Variants in ASPG observed in about 807,000 individuals in gnomAD.
ASPG encodes asparaginase.
In ASPG, 53 loss-of-function variants were observed where a neutral mutation model predicts 63.2. The ratio of observed to expected loss-of-function variants is 0.84; its 90% CI spans 0.67 to 1.05. The LOEUF is 1.05. ASPG is among the 50% of genes least tolerant of loss of function. The probability of loss-of-function intolerance (pLI) is 0.00; values close to 1 mark genes in which losing one functional copy is unlikely to be tolerated. For synonymous variants in ASPG, 370 were observed against 355.0 expected, an observed-to-expected ratio of 1.04 and a Z score of -0.48; for missense variants, 741 against 794.4, an observed-to-expected ratio of 0.93 and a Z score of 0.81.
In ASPG at chr14:104,109,225, A is replaced by G. The variant is rs1379689517; in HGVS notation, c.1434-4A>G. 2 of 1,612,832 alleles carry G rather than the reference A, an allele frequency of 1.2e-6. No individual in the cohort carries two copies. Among genetic ancestry groups the G allele is most frequent in the Admixed American group, 3.3e-5 (2 of 59,940 alleles). ...AGAAGGTCAGCATGCTCATTCTCAC[A>G]CAGGCATCCGGGTGTCATTGGGTTG... On this transcript the variant is annotated splice_region_variant and splice_polypyrimidine_tract_variant and intron_variant, in intron 12 of 15. Coordinates refer to ENST00000551177, the MANE Select transcript of ASPG (RefSeq NM_001080464.3). This position sits in a 1 kb window ranked among gnomAD's most constrained non-coding sequence, Gnocchi z 4.8.
Position 104,112,759 on chromosome 14 carries a change from G to A in ASPG, c.*215G>A. On this transcript the variant is annotated 3_prime_UTR_variant, in exon 16 of 16. Transcript: ENST00000551177. ...AGAGGCTCTGTCTGGGTCCGGGACT[G>A]TGGATGTGTGTGGGGAGTCAGGCCC... is the stretch of plus-strand genomic sequence containing the variant. 1 of 1,089,362 alleles carries A rather than the reference G, an allele frequency of 9.2e-7. No homozygotes were observed. The highest frequency in any genetic ancestry group is 1.3e-6 in the Non-Finnish European group (1 of 774,822). 67.5% of individuals were successfully genotyped at this position (1,089,362 alleles called of 1,614,324 possible).
chr14:104,097,485 A>C, intron 4 of ASPG, 69 bp from the exon 5 acceptor site: 1 of 1,453,802 alleles, frequency 6.9e-7, no homozygotes, highest in African/African-American at 1.4e-5. Flanking sequence ...GTTTACCTGG[A>C]GAGATGAGCC....
chr14:104,109,334 C>A lies in ASPG; in HGVS notation c.1520+19C>A, dbSNP rs766066056. ...TGTGCAGGTGAGTGCAGCTAGAGCA[C>A]CTGCTCTTCCAGGGATGTGGGGGAC... is the stretch of plus-strand genomic sequence containing the variant. On this transcript the variant is annotated intron_variant, in intron 13 of 15. Transcript: ENST00000551177. The surrounding 1 kb of genome is among the most constrained non-coding windows in gnomAD (Gnocchi z 4.8). 1.9e-6 allele frequency: 3 copies of A among 1,591,148 alleles called. No individual in the cohort carries two copies. The highest frequency in any genetic ancestry group is 1.7e-6 in the Non-Finnish European group (2 of 1,167,806).
intron 9 of ASPG, 135 bp downstream of exon 9, chr14:104,104,870 G>C: frequency 2.7e-6 from 2 of 745,738 alleles, no homozygotes; most frequent in Non-Finnish European, 4.3e-6. Flanking sequence ...GAAGGGGAGG[G>C]ATGTGGCTCC....
intron 6 of ASPG, among the ~76,000 whole-genome samples, chr14:104,103,308 C>T (rs577425366): frequency 1.8e-4 from 27 of 152,374 alleles, no homozygotes; most frequent in African/African-American, 6.0e-4. Context: ...GCTCGGCCAT[C>T]GGTCTCTCGC....
At position 104,085,754 on chromosome 14, in the gene ASPG, G is replaced by A. The variant is rs755941774; in HGVS notation, c.-17G>A. The A allele has an allele frequency of 1.1e-5, 17 of 1,568,098 alleles. No homozygotes were observed. The highest frequency in any genetic ancestry group is 2.8e-5 in the African/African-American group (2 of 71,478). Reference sequence around the variant, plus strand: ...CCGCTGCACACCCCCGTCCACTCCCGTGGTCCCCGGTCCGGCATGGCGCGC... The same window carrying A: ...CCGCTGCACACCCCCGTCCACTCCCATGGTCCCCGGTCCGGCATGGCGCGC... On this transcript the variant is annotated 5_prime_UTR_variant, in exon 1 of 16. The change creates a new upstream start codon in the 5' untranslated region. Coordinates refer to ENST00000551177, the MANE Select transcript of ASPG (RefSeq NM_001080464.3).
chr14:104,110,583 G>A lies in ASPG; in HGVS notation c.1521-919G>A, dbSNP rs531251374. ...TCCTAGGGGCCGGTGTGTGTGTGGG[G>A]CTTGGCCTCTTGGAGCAGGTCCAGG... On this transcript the variant is annotated intron_variant, in intron 13 of 15. Transcript: ENST00000551177. This position sits in a 1 kb window ranked among gnomAD's most constrained non-coding sequence, Gnocchi z 4.7. 1.1e-4 allele frequency: 107 copies of A among 985,278 alleles called. No homozygotes were observed. The highest frequency in any genetic ancestry group is 6.1e-4 in the Admixed American group (10 of 16,282). 61.0% of individuals were successfully genotyped at this position (985,278 alleles called of 1,614,324 possible). A position where few individuals can be genotyped will look rare whatever the true frequency, so the allele number is the denominator to read the frequency against.
At chr14:104,097,841 GCGTTAGAGATGCATATGGAGGTTCTA>G (rs1330267447) in intron 5 of ASPG, among the ~76,000 whole-genome samples, 17 of 142,150 alleles carry the variant, frequency 1.2e-4, no homozygotes, top group East Asian at 2.0e-4. Context: ...TGGAGGTTCT[GCGTTAGAGATGCATATGGAGGTTCTA>G]CGTTAGAGAT....
At chr14:104,107,596 T>C (rs1023517480) in intron 12 of ASPG, among the ~76,000 whole-genome samples, 4 of 151,176 alleles carry the variant, frequency 2.6e-5, no homozygotes, top group Non-Finnish European at 5.9e-5. Flanking sequence ...GGGGCTGGGG[T>C]GGAGGTGGGG....
At chr14:104,106,330 G>A (rs8019465) in intron 10 of ASPG, among the ~76,000 whole-genome samples, 81,485 of 152,144 alleles carry the variant, frequency 0.54, 23,629 homozygotes, top group Non-Finnish European at 0.65. Flanking sequence ...GCCTTTTGGC[G>A]TCTTGGGGAG....
intron 6 of ASPG, among the ~76,000 whole-genome samples, chr14:104,102,372 C>T (rs1427580512): frequency 6.6e-6 from 1 of 152,086 alleles, no homozygotes; most frequent in Non-Finnish European, 1.5e-5. Flanking sequence ...CTAGCGGAAG[C>T]GGCCGGAGAC....
At position 104,115,329 on chromosome 14, in the gene ASPG, T is replaced by G. The variant is rs565048136; in HGVS notation, c.*2785T>G. ...TCCCCGTCCTCTCTCGTCAGTTCCCTTGGATGCTGGACACGGGAGCCACCT... is the reference window on the plus strand; with the variant it reads ...TCCCCGTCCTCTCTCGTCAGTTCCCGTGGATGCTGGACACGGGAGCCACCT... On this transcript the variant is annotated 3_prime_UTR_variant, in exon 16 of 16. Coordinates refer to ENST00000551177, the MANE Select transcript of ASPG (RefSeq NM_001080464.3). The G allele has an allele frequency of 6.6e-6, 1 of 152,318 alleles. No individual in the cohort carries two copies. Among genetic ancestry groups the G allele is most frequent in the African/African-American group, 2.4e-5 (1 of 41,552 alleles). The allele number at this position is 152,318 out of a possible 1,614,324, so 9.4% of individuals were successfully genotyped here.
intron 12 of ASPG, among the ~76,000 whole-genome samples, 160 bp downstream of exon 12, chr14:104,107,505 G>T (rs1021216090): frequency 6.6e-6 from 1 of 152,170 alleles, no homozygotes; most frequent in Non-Finnish European, 1.5e-5. Context: ...GTAAGACCCC[G>T]GCCCAGAGTT....
At position 104,103,455 on chromosome 14, in the gene ASPG, C is replaced by A. The variant is rs556513406; in HGVS notation, c.641-108C>A. 1,796 of 952,174 alleles carry A rather than the reference C, an allele frequency of 1.9e-3. 2 individuals carry two copies. Among genetic ancestry groups the A allele is most frequent in the Non-Finnish European group, 2.6e-3 (1,669 of 635,566 alleles). The allele number at this position is 952,174 out of a possible 1,614,324, so 59.0% of individuals were successfully genotyped here. On this transcript the variant is annotated intron_variant, in intron 6 of 15. Coordinates refer to ENST00000551177, the MANE Select transcript of ASPG (RefSeq NM_001080464.3). ...GGGGCTGAGCCGCGAAGGCTCAGGG[C>A]TCTGAAAACAAGGGAGGAGGCGGCC... is the stretch of plus-strand genomic sequence containing the variant.
At chr14:104,092,330 G>A (rs998859817) in intron 1 of ASPG, among the ~76,000 whole-genome samples, 4 of 152,164 alleles carry the variant, frequency 2.6e-5, no homozygotes, top group African/African-American at 7.2e-5. Flanking sequence ...GGAGAAGGAG[G>A]TGGGAGCAGG....
intron 6 of ASPG, 133 bp from the exon 7 acceptor site, chr14:104,103,430 G>T: frequency 1.3e-6 from 1 of 743,236 alleles, no homozygotes; most frequent in Non-Finnish European, 2.2e-6. Flanking sequence ...GCAGGGCGAG[G>T]GGGCTGAGCC....
At chr14:104,087,800 G>A (rs1460677933) in intron 1 of ASPG, among the ~76,000 whole-genome samples, 1 of 152,226 alleles carries the variant, frequency 6.6e-6, no homozygotes, top group Non-Finnish European at 1.5e-5. Flanking sequence ...TGGCCCCCGC[G>A]TGCTCGCCGC....
chr14:104,112,752 C>T lies in ASPG; in HGVS notation c.*208C>T, dbSNP rs753286623. On this transcript the variant is annotated 3_prime_UTR_variant, in exon 16 of 16. Transcript: ENST00000551177. ...GGCTCTGAGAGGCTCTGTCTGGGTC[C>T]GGGACTGTGGATGTGTGTGGGGAGT... is the stretch of plus-strand genomic sequence containing the variant. 133 of 1,200,640 alleles carry T rather than the reference C, an allele frequency of 1.1e-4. No homozygotes were observed. The highest frequency in any genetic ancestry group is 9.4e-4 in the Middle Eastern group (4 of 4,250). The allele number at this position is 1,200,640 out of a possible 1,614,324, so 74.4% of individuals were successfully genotyped here. A position where few individuals can be genotyped will look rare whatever the true frequency, so the allele number is the denominator to read the frequency against.
At chr14:104,100,366 G>A (rs926963599) in intron 6 of ASPG, among the ~76,000 whole-genome samples, 1 of 152,176 alleles carries the variant, frequency 6.6e-6, no homozygotes, top group South Asian at 2.1e-4. Context: ...CTCAAGACAA[G>A]GCCTGTGTGT....
Sources: gnomAD v4.1 joint callset for allele counts (sites outside exome capture counted in the v4.1 genomes callset) on GRCh38, gnomAD v4.1.1 for gene constraint, Gnocchi (gnomAD v3.1) non-coding constraint, MANE v1.5 for transcripts, NCBI Gene and HGNC (gene_info 2026-07-23, HGNC 2026-07-21) for gene names.